The following CA10 variants were observed in gnomAD, a reference collection of about 807,000 sequenced individuals.
CA10 encodes the protein carbonic anhydrase-related protein 10.
In CA10, 14 loss-of-function variants were observed where a neutral mutation model predicts 44.2. That is an observed-to-expected ratio of 0.32 (90% CI 0.21 to 0.50). The LOEUF is 0.50. Ranked by LOEUF, CA10 falls within the 20% of genes least tolerant of loss-of-function variation. The probability of loss-of-function intolerance (pLI) is 0.99; values close to 1 mark genes in which losing one functional copy is unlikely to be tolerated. For missense variants in CA10, 350 were observed against 409.7 expected (o/e 0.85, Z 1.26); for synonymous variants, 159 against 141.6 (o/e 1.12, Z -0.87).
At chr17:51,681,081 G>T (rs574275067) in intron 4 of CA10, among the ~76,000 whole-genome samples, 1 of 152,316 alleles carries the variant, frequency 6.6e-6, no homozygotes, top group East Asian at 1.9e-4. Flanking sequence ...GCCTTAATCT[G>T]CACAGTGGTT....
chr17:51,836,975 G>A (rs1469547268), intron 3 of CA10, among the ~76,000 whole-genome samples: 1 of 152,124 alleles, frequency 6.6e-6, no homozygotes, highest in African/African-American at 2.4e-5. Context: ...AGGAGGGAAA[G>A]GGGGTGTAAG....
chr17:51,887,167 G>A (rs756898570), intron 3 of CA10, among the ~76,000 whole-genome samples: 13 of 149,434 alleles, frequency 8.7e-5, no homozygotes, highest in Non-Finnish European at 1.5e-4. Context: ...TCTTATTCTT[G>A]AAAATCTGGA....
At chr17:52,007,496 T>C (rs964845613) in intron 2 of CA10, among the ~76,000 whole-genome samples, 2 of 151,612 alleles carry the variant, frequency 1.3e-5, no homozygotes, top group African/African-American at 4.8e-5. Flanking sequence ...GATTGTGTGA[T>C]TGTTTTCTTT....
At chr17:51,918,885 G>T (rs1265946019) in intron 3 of CA10, among the ~76,000 whole-genome samples, 2 of 152,074 alleles carry the variant, frequency 1.3e-5, no homozygotes, top group Non-Finnish European at 2.9e-5. Context: ...GGAAAGAGAT[G>T]GATTATTTTA....
chr17:51,859,263 T>C (rs1469844295), intron 3 of CA10, among the ~76,000 whole-genome samples: 1 of 152,076 alleles, frequency 6.6e-6, no homozygotes, highest in African/African-American at 2.4e-5. Context: ...AAGTGAACAA[T>C]GACAAAACTC....
At chr17:51,820,415 C>CAG (rs1390848765) in intron 3 of CA10, among the ~76,000 whole-genome samples, 2 of 97,308 alleles carry the variant, frequency 2.1e-5, no homozygotes, top group Non-Finnish European at 4.2e-5. Context: ...ACCCCCCCCC[C>CAG]CCCGCCCGCC....
At chr17:51,784,317 A>T (rs1298735081) in intron 3 of CA10, among the ~76,000 whole-genome samples, 3 of 152,180 alleles carry the variant, frequency 2.0e-5, no homozygotes, top group South Asian at 2.1e-4. Flanking sequence ...ACCCTGCAGC[A>T]CTGTGATTCT....
At chr17:51,823,164 T>A (rs571409042) in intron 3 of CA10, among the ~76,000 whole-genome samples, 23 of 152,384 alleles carry the variant, frequency 1.5e-4, no homozygotes, top group Middle Eastern at 3.4e-3. Context: ...GAGGGATCTT[T>A]CCTTTCTTTA....
rs1914455260 is a variant in CA10 at position 51,672,225 on chromosome 17, A to G, written c.466-18489T>C. On this transcript the variant is annotated intron_variant, in intron 4 of 8. Coordinates refer to ENST00000451037, the MANE Select transcript of CA10 (RefSeq NM_020178.5). ...ACACACAGATCGTCACACACAAACA[A>G]TACTACTGCTGCTACCACCACCACG... Among the ~76,000 whole-genome samples, 4 of 152,176 alleles carry G rather than the reference A, an allele frequency of 2.6e-5. No individual in the cohort carries two copies. The South Asian group carries it at 8.3e-4, about 32-fold the overall frequency.
chr17:51,854,968 C>T (rs1157117762), intron 3 of CA10, among the ~76,000 whole-genome samples: 1 of 152,150 alleles, frequency 6.6e-6, no homozygotes, highest in African/African-American at 2.4e-5. Context: ...TAACTGGCTC[C>T]AGGTAACTCC....
chr17:52,017,991 T>C (rs989134792), intron 2 of CA10, among the ~76,000 whole-genome samples: 7 of 152,068 alleles, frequency 4.6e-5, no homozygotes, highest in Admixed American at 2.6e-4. Flanking sequence ...ATAGCACAAG[T>C]TGTAAGCCTT....
chr17:52,090,238 G>A (rs1460533357), intron 1 of CA10, among the ~76,000 whole-genome samples: 1 of 152,178 alleles, frequency 6.6e-6, no homozygotes, highest in Non-Finnish European at 1.5e-5. Flanking sequence ...TTAAATAGAT[G>A]TAGTTTTAAT....
chr17:52,134,496 C>T (rs1503058), intron 1 of CA10, among the ~76,000 whole-genome samples: 94,049 of 151,936 alleles, frequency 0.62, 31,540 homozygotes, highest in African/African-American at 0.87. Flanking sequence ...ATAATGCCTA[C>T]CCACATGATT....
chr17:51,935,737 GC>G (rs966891409), intron 2 of CA10, among the ~76,000 whole-genome samples: 2 of 152,070 alleles, frequency 1.3e-5, no homozygotes, highest in Admixed American at 1.3e-4. Flanking sequence ...ATGAGCCTTG[GC>G]AAACCCAAAG....
chr17:52,139,995 C>T (rs1220308052), intron 1 of CA10, among the ~76,000 whole-genome samples: 4 of 152,280 alleles, frequency 2.6e-5, no homozygotes, highest in Admixed American at 1.3e-4. Flanking sequence ...TCTCTCAACA[C>T]GGTCTCTAGT....
intron 3 of CA10, among the ~76,000 whole-genome samples, chr17:51,754,130 C>G (rs942804395): frequency 1.3e-5 from 2 of 152,042 alleles, no homozygotes; most frequent in African/African-American, 4.8e-5. Flanking sequence ...AGGCATGAGT[C>G]ACCACTCCCA....
intron 3 of CA10, among the ~76,000 whole-genome samples, chr17:51,839,214 C>T (rs561279332): frequency 2.0e-5 from 3 of 152,244 alleles, no homozygotes; most frequent in South Asian, 4.1e-4. Flanking sequence ...CTACCTTGGC[C>T]GGGCACGGTG....
At chr17:51,753,810 G>A (rs963113045) in intron 3 of CA10, among the ~76,000 whole-genome samples, 6 of 152,096 alleles carry the variant, frequency 3.9e-5, no homozygotes, top group Admixed American at 1.3e-4. Flanking sequence ...TAAAGCCTGT[G>A]CTTTTAACCA....
chr17:51,957,881 T>C (rs564579877), intron 2 of CA10, among the ~76,000 whole-genome samples: 124 of 152,230 alleles, frequency 8.1e-4, no homozygotes, highest in African/African-American at 2.5e-3. Flanking sequence ...TTAAGCATTG[T>C]CTTTCTAGGA....
Sources: gnomAD v4.1 joint callset for allele counts (sites outside exome capture counted in the v4.1 genomes callset) on GRCh38, gnomAD v4.1.1 for gene constraint, MANE v1.5 for transcripts, NCBI Gene and HGNC (gene_info 2026-07-23, HGNC 2026-07-21) for gene names.